Variants in ULK4 observed in about 807,000 individuals in gnomAD.
ULK4 encodes the protein inactive serine/threonine-protein kinase ULK4.
A neutral mutation model predicts 160.6 loss-of-function variants in ULK4; 133 were observed. That is an observed-to-expected ratio of 0.83 (90% CI 0.72 to 0.96). The LOEUF (loss-of-function observed/expected upper bound fraction) is 0.96, where lower values mean the gene tolerates loss of function less well. Ranked by LOEUF, ULK4 falls within the 40% of genes least tolerant of loss-of-function variation. The pLI, the probability that ULK4 is intolerant of heterozygous loss-of-function variation, is 0.00. For missense variants in ULK4, 1,580 were observed against 1,499.5 expected (o/e 1.05, Z -0.89); for synonymous variants, 534 against 539.8 (o/e 0.99, Z 0.15).
At chr3:41,949,535 C>T (rs1376464999) in intron 2 of ULK4, among the ~76,000 whole-genome samples, 3 of 150,268 alleles carry the variant, frequency 2.0e-5, no homozygotes, top group Admixed American at 6.7e-5. Flanking sequence ...CAGGTTCATG[C>T]GATTCTCCTG....
intron 21 of ULK4, among the ~76,000 whole-genome samples, chr3:41,784,691 G>C (rs1250289807): frequency 2.0e-5 from 3 of 152,160 alleles, no homozygotes; most frequent in Non-Finnish European, 4.4e-5. Flanking sequence ...CATCCAAATA[G>C]CTGCTGAATA....
At chr3:41,830,623 A>G (rs1443730686) in intron 18 of ULK4, among the ~76,000 whole-genome samples, 1 of 152,116 alleles carries the variant, frequency 6.6e-6, no homozygotes, top group Non-Finnish European at 1.5e-5. Flanking sequence ...ATGAAAAACT[A>G]TAGGACCAAA....
At position 41,750,900 on chromosome 3, in the gene ULK4, G is replaced by A. The variant is rs182496954; in HGVS notation, c.2321+3461C>T. On this transcript the variant is annotated intron_variant, in intron 22 of 36. Coordinates refer to ENST00000301831, the MANE Select transcript of ULK4 (RefSeq NM_017886.4). Reference sequence around the variant, plus strand: ...AGCTACTCAGGAGGCTGAAGCAGGAGAATTGCTTGAACCCGGGAGGCGGAG... The same window carrying A: ...AGCTACTCAGGAGGCTGAAGCAGGAAAATTGCTTGAACCCGGGAGGCGGAG... 7.8e-3 allele frequency among the ~76,000 whole-genome samples: 1,175 copies of A among 150,926 alleles called. 21 individuals are homozygous for A. The highest frequency in any genetic ancestry group is 0.027 in the African/African-American group (1,117 of 40,940).
At chr3:41,294,457 A>G (rs2079630737) in intron 35 of ULK4, among the ~76,000 whole-genome samples, 1 of 152,258 alleles carries the variant, frequency 6.6e-6, no homozygotes. Flanking sequence ...ACAACAGATC[A>G]TTTGAGACCA....
At position 41,612,005 on chromosome 3, in the gene ULK4, GA is replaced by G. The variant is rs5848606; in HGVS notation, c.3120+3663del. On this transcript the variant is annotated intron_variant, in intron 31 of 36. Coordinates refer to ENST00000301831, the MANE Select transcript of ULK4 (RefSeq NM_017886.4). Reference sequence around the variant, plus strand: ...ACCAACCAAAGATCAAAAATATTCAGAAAAAAAAATAAAAATAACAATACAA... The same window carrying G: ...ACCAACCAAAGATCAAAAATATTCAGAAAAAAAATAAAAATAACAATACAA... Among the ~76,000 whole-genome samples, 142 of 147,246 alleles carry G rather than the reference GA, an allele frequency of 9.6e-4. 1 individual carries two copies. The Middle Eastern group carries it at 0.01, about 11-fold the overall frequency.
chr3:41,736,127 T>C (rs1272668732), intron 22 of ULK4, among the ~76,000 whole-genome samples: 1 of 151,650 alleles, frequency 6.6e-6, no homozygotes, highest in African/African-American at 2.4e-5. Context: ...GTCTTTGCTA[T>C]TGTGAATAAT....
intron 32 of ULK4, among the ~76,000 whole-genome samples, chr3:41,547,180 A>T (rs527958928): frequency 6.6e-6 from 1 of 152,346 alleles, no homozygotes; most frequent in Admixed American, 6.5e-5. Flanking sequence ...AATAAATTTT[A>T]AAAAGTAGAA....
intron 22 of ULK4, among the ~76,000 whole-genome samples, chr3:41,748,122 T>G (rs565914199): frequency 6.6e-6 from 1 of 151,204 alleles, no homozygotes; most frequent in Non-Finnish European, 1.5e-5. Context: ...AATTGTTAGT[T>G]TTACCTTACC....
At chr3:41,617,209 T>C (rs1177554391) in intron 30 of ULK4, among the ~76,000 whole-genome samples, 1 of 152,230 alleles carries the variant, frequency 6.6e-6, no homozygotes, top group Non-Finnish European at 1.5e-5. Context: ...CTGCCAGCTC[T>C]GAAGAGAACA....
intron 36 of ULK4, among the ~76,000 whole-genome samples, chr3:41,247,655 G>A (rs1041065778): frequency 6.6e-6 from 1 of 152,182 alleles, no homozygotes; most frequent in African/African-American, 2.4e-5. Context: ...AGTGGGATGG[G>A]GCCATGACCA....
chr3:41,297,659 C>T (rs1376795534), intron 35 of ULK4, among the ~76,000 whole-genome samples: 3 of 152,214 alleles, frequency 2.0e-5, no homozygotes, highest in African/African-American at 7.2e-5. Context: ...TTAAGAGCCA[C>T]TGAATTCAAC....
At chr3:41,823,736 C>T (rs917094300) in intron 18 of ULK4, among the ~76,000 whole-genome samples, 1 of 152,166 alleles carries the variant, frequency 6.6e-6, no homozygotes, top group Non-Finnish European at 1.5e-5. Flanking sequence ...CCCTCATGTC[C>T]TGAAAAGTTA....
At chr3:41,895,208 A>C (rs1192672944) in intron 16 of ULK4, among the ~76,000 whole-genome samples, 1 of 152,216 alleles carries the variant, frequency 6.6e-6, no homozygotes, top group Non-Finnish European at 1.5e-5. Context: ...CCAGGAGTTC[A>C]AAACCAGCCT....
chr3:41,426,438 G>C (rs530906509), intron 34 of ULK4, among the ~76,000 whole-genome samples: 1 of 152,278 alleles, frequency 6.6e-6, no homozygotes, highest in South Asian at 2.1e-4. Context: ...GATATCTACA[G>C]AACTCTCCCG....
intron 35 of ULK4, among the ~76,000 whole-genome samples, chr3:41,304,320 G>A (rs2079860972): frequency 6.7e-6 from 1 of 148,984 alleles, no homozygotes; most frequent in Non-Finnish European, 1.5e-5. Flanking sequence ...GGAAAATGTG[G>A]GGCAACTCAG....
In ULK4 at chr3:41,412,553, A is replaced by ATTTT. The variant is rs57224854; in HGVS notation, c.3493-14293_3493-14290dup. Among the ~76,000 whole-genome samples, 60 of 100,422 alleles carry ATTTT rather than the reference A, an allele frequency of 6.0e-4. 3 individuals carry two copies. Among genetic ancestry groups the ATTTT allele is most frequent in the Admixed American group, 1.8e-3 (17 of 9,386 alleles). 65.9% of individuals were successfully genotyped at this position (100,422 alleles called of 152,430 possible). ...TAAAGGTCAATGGCAATGCAGTTGA[A>ATTTT]TTTTTTTTTTTTTTTTTTTTTTTTT... On this transcript the variant is annotated intron_variant, in intron 34 of 36. Coordinates refer to ENST00000301831, the MANE Select transcript of ULK4 (RefSeq NM_017886.4).
At chr3:41,660,213 T>G (rs2035100540) in intron 30 of ULK4, among the ~76,000 whole-genome samples, 2 of 152,000 alleles carry the variant, frequency 1.3e-5, no homozygotes, top group African/African-American at 4.8e-5. Flanking sequence ...GAGAATAGCT[T>G]GAACCCAGGA....
intron 35 of ULK4, among the ~76,000 whole-genome samples, chr3:41,378,511 T>A (rs2081566244): frequency 6.6e-6 from 1 of 151,516 alleles, no homozygotes; most frequent in South Asian, 2.1e-4. Flanking sequence ...AAACCATCAT[T>A]ATCAGCAAAC....
At chr3:41,519,935 T>C (rs1021208461) in intron 32 of ULK4, among the ~76,000 whole-genome samples, 3 of 152,200 alleles carry the variant, frequency 2.0e-5, no homozygotes, top group Non-Finnish European at 4.4e-5. Context: ...CTGGGAAATG[T>C]TGCTCAATCA....
Sources: allele counts gnomAD v4.1 joint callset (sites outside exome capture counted in the v4.1 genomes callset), GRCh38; gene constraint gnomAD v4.1.1; transcripts MANE v1.5; gene names NCBI Gene and HGNC (gene_info 2026-07-23, HGNC 2026-07-21).